Variants in INPP5A observed in about 807,000 individuals in gnomAD.
INPP5A encodes the protein inositol polyphosphate-5-phosphatase A.
Under a neutral mutation model 65.2 loss-of-function variants are expected in INPP5A, and 14 were observed. The observed-to-expected ratio is 0.21, with a 90% CI of 0.14 to 0.34. INPP5A has a LOEUF of 0.34. INPP5A is among the 10% of genes least tolerant of loss of function. The pLI is 1.00. For synonymous variants in INPP5A, 207 were observed against 208.3 expected, an observed-to-expected ratio of 0.99 and a Z score of 0.05; for missense variants, 431 against 545.6, an observed-to-expected ratio of 0.79 and a Z score of 2.09.
At chr10:132,578,616 T>TGGA (rs2071440403) in intron 1 of INPP5A, among the ~76,000 whole-genome samples, 2 of 100,124 alleles carry the variant, frequency 2.0e-5, no homozygotes, top group South Asian at 3.9e-4. Flanking sequence ...GGAGAGTGTG[T>TGGA]GGGGCGTCTC....
At chr10:132,565,963 A>G (rs899144937) in intron 1 of INPP5A, among the ~76,000 whole-genome samples, 5 of 151,560 alleles carry the variant, frequency 3.3e-5, no homozygotes, top group East Asian at 2.0e-4. Context: ...ACTTTGCTCA[A>G]TTTCGTAGCC....
At chr10:132,617,102 G>A (rs771002313) in intron 2 of INPP5A, among the ~76,000 whole-genome samples, 4 of 152,138 alleles carry the variant, frequency 2.6e-5, no homozygotes, top group Non-Finnish European at 5.9e-5. Flanking sequence ...TCCATCATCT[G>A]GTGACTCCTC....
At chr10:132,666,226 TAA>T (rs2072800278) in intron 4 of INPP5A, among the ~76,000 whole-genome samples, 1 of 151,896 alleles carries the variant, frequency 6.6e-6, no homozygotes, top group Admixed American at 6.6e-5. Context: ...CTTGGGGGAG[TAA>T]TTCATAGTCA....
chr10:132,719,857 C>T (rs866074287), intron 8 of INPP5A, among the ~76,000 whole-genome samples: 4 of 86,184 alleles, frequency 4.6e-5, no homozygotes, highest in African/African-American at 8.5e-5. Context: ...TGTGGTACCT[C>T]GGTTCTGTCT....
intron 11 of INPP5A, among the ~76,000 whole-genome samples, chr10:132,758,987 T>G (rs1846681933): frequency 6.6e-6 from 1 of 152,234 alleles, no homozygotes; most frequent in African/African-American, 2.4e-5. Flanking sequence ...TCAATGCAAA[T>G]CATTGGTTCA....
At chr10:132,592,277 G>GA (rs2071628809) in intron 1 of INPP5A, among the ~76,000 whole-genome samples, 1 of 152,256 alleles carries the variant, frequency 6.6e-6, no homozygotes, top group African/African-American at 2.4e-5. Context: ...ATAGTAGTGT[G>GA]AGGAACAGGA....
intron 11 of INPP5A, among the ~76,000 whole-genome samples, chr10:132,755,067 G>T (rs1846569346): frequency 6.6e-6 from 1 of 151,888 alleles, no homozygotes; most frequent in African/African-American, 2.4e-5. Flanking sequence ...TCATATGCGT[G>T]TGTGTGATCA....
At chr10:132,553,111 C>T (rs1227074035) in intron 1 of INPP5A, among the ~76,000 whole-genome samples, 1 of 129,032 alleles carries the variant, frequency 7.8e-6, no homozygotes, top group Non-Finnish European at 1.6e-5. Flanking sequence ...CTTCTCAGAG[C>T]CTTGGTGGAA....
rs945850731 is a variant in INPP5A at position 132,782,325 on chromosome 10, C to T, written c.*296C>T. ...AATAGACAGCAAAGAGGGTCTGTAC[C>T]GTAGACTTCACAGTTTTCAGTTTTT... On this transcript the variant is annotated 3_prime_UTR_variant, in exon 16 of 16. Transcript: ENST00000368594. The surrounding 1 kb of genome is among the most constrained non-coding windows in gnomAD (Gnocchi z 4.4). 7 of 343,912 alleles carry T rather than the reference C, an allele frequency of 2.0e-5. No homozygotes were observed. Among genetic ancestry groups the T allele is most frequent in the African/African-American group, 1.1e-4 (5 of 46,390 alleles). 21.3% of individuals were successfully genotyped at this position (343,912 alleles called of 1,614,324 possible).
chr10:132,542,509 T>G (rs1412774018), intron 1 of INPP5A, among the ~76,000 whole-genome samples: 1 of 152,212 alleles, frequency 6.6e-6, no homozygotes, highest in Non-Finnish European at 1.5e-5. Context: ...TCTCCCACCT[T>G]GAAAACTCTG....
At chr10:132,573,942 T>G in intron 1 of INPP5A, among the ~76,000 whole-genome samples, 1 of 135,092 alleles carries the variant, frequency 7.4e-6, no homozygotes, top group African/African-American at 2.9e-5. Flanking sequence ...TTGTTGATGT[T>G]GAGGTGTGTG....
chr10:132,634,760 T>G (rs1172039165), intron 2 of INPP5A, among the ~76,000 whole-genome samples: 1 of 152,268 alleles, frequency 6.6e-6, no homozygotes, highest in African/African-American at 2.4e-5. Context: ...TCCTGGAGCC[T>G]TGGTCCAATG....
intron 1 of INPP5A, among the ~76,000 whole-genome samples, chr10:132,567,702 GC>G (rs1208783196): frequency 6.6e-6 from 1 of 152,168 alleles, no homozygotes; most frequent in Non-Finnish European, 1.5e-5. Flanking sequence ...AGCTGCTTTT[GC>G]CCCTGTGGCC....
At chr10:132,773,862 G>A (rs1846998691) in intron 12 of INPP5A, among the ~76,000 whole-genome samples, 1 of 152,228 alleles carries the variant, frequency 6.6e-6, no homozygotes, top group Non-Finnish European at 1.5e-5. Context: ...CTGGGCTCAA[G>A]CGATTTTCCC....
intron 5 of INPP5A, among the ~76,000 whole-genome samples, chr10:132,692,766 A>G (rs1401237065): frequency 6.6e-6 from 1 of 152,260 alleles, no homozygotes; most frequent in Non-Finnish European, 1.5e-5. Flanking sequence ...ATTTGTTGCC[A>G]GTAGACCTGC....
At chr10:132,571,932 C>T (rs540404857) in intron 1 of INPP5A, among the ~76,000 whole-genome samples, 2 of 152,320 alleles carry the variant, frequency 1.3e-5, no homozygotes, top group South Asian at 2.1e-4. Context: ...CAGAGTGGGC[C>T]GCACCCTGAC....
intron 13 of INPP5A, among the ~76,000 whole-genome samples, chr10:132,779,654 T>C (rs1294925124): frequency 6.6e-6 from 1 of 152,236 alleles, no homozygotes; most frequent in Non-Finnish European, 1.5e-5. Context: ...TGACAGCCCC[T>C]GCCTTCTGGG....
At position 132,649,489 on chromosome 10, in the gene INPP5A, C is replaced by T. The variant is rs116208222; in HGVS notation, c.219-929C>T. Reference sequence around the variant, plus strand: ...TTAGTGTTTGAGCCCTGTTTTCTTCCTTTAAAGCGTGTTGAAGGTTGTGTT... The same window carrying T: ...TTAGTGTTTGAGCCCTGTTTTCTTCTTTTAAAGCGTGTTGAAGGTTGTGTT... On this transcript the variant is annotated intron_variant, in intron 3 of 15. Transcript: ENST00000368594. 8.8e-3 allele frequency among the ~76,000 whole-genome samples: 1,340 copies of T among 152,346 alleles called. 17 individuals are homozygous for T. The highest frequency in any genetic ancestry group is 0.03 in the African/African-American group (1,246 of 41,568).
chr10:132,731,482 C>T (rs774281256), intron 9 of INPP5A, among the ~76,000 whole-genome samples: 3 of 151,474 alleles, frequency 2.0e-5, no homozygotes, highest in Non-Finnish European at 4.4e-5. Context: ...TGGGAGTGAC[C>T]GCATCCCTCC....
Sources: allele counts gnomAD v4.1 joint callset (sites outside exome capture counted in the v4.1 genomes callset), GRCh38; gene constraint gnomAD v4.1.1; non-coding constraint Gnocchi (gnomAD v3.1); transcripts MANE v1.5; gene names NCBI Gene and HGNC (gene_info 2026-07-23, HGNC 2026-07-21).